Variants in DKK4 observed in about 807,000 individuals in gnomAD.
DKK4 encodes dickkopf-related protein 4.
Under a neutral mutation model 14.5 loss-of-function variants are expected in DKK4, and 15 were observed. That is an observed-to-expected ratio of 1.03 (90% CI 0.69 to 1.59). The LOEUF is 1.59. Among genes scored for constraint, DKK4 ranks in the 40% most tolerant of loss-of-function variants. The pLI is 0.00. For missense variants in DKK4, 272 were observed against 280.3 expected, an observed-to-expected ratio of 0.97 and a Z score of 0.21; for synonymous variants, 89 against 105.2, an observed-to-expected ratio of 0.85 and a Z score of 0.94.
the DKK4 span, among the ~76,000 whole-genome samples, chr8:42,387,958 T>C: frequency 2.0e-5 from 3 of 152,208 alleles, no homozygotes; most frequent in African/African-American, 7.2e-5. Flanking sequence ...TGTATGATCA[T>C]AGCTCATTGT....
At chr8:42,387,341 AGTC>A in the DKK4 span, among the ~76,000 whole-genome samples, 1 of 116,182 alleles carries the variant, frequency 8.6e-6, no homozygotes, top group South Asian at 2.8e-4. Context: ...GGTGAAGGCC[AGTC>A]TTTTTTTTTT....
At chr8:42,390,687 T>G in the DKK4 span, among the ~76,000 whole-genome samples, 2 of 152,198 alleles carry the variant, frequency 1.3e-5, no homozygotes, top group Non-Finnish European at 2.9e-5. Flanking sequence ...TTTCCTAATC[T>G]TTCATGAAAC....
At chr8:42,386,112 T>G in the DKK4 span, among the ~76,000 whole-genome samples, 1 of 152,216 alleles carries the variant, frequency 6.6e-6, no homozygotes, top group African/African-American at 2.4e-5. Flanking sequence ...GAAGTCTCAC[T>G]GTGTTGCCCG....
chr8:42,388,255 A>C, the DKK4 span, among the ~76,000 whole-genome samples: 1 of 151,836 alleles, frequency 6.6e-6, no homozygotes, highest in Non-Finnish European at 1.5e-5. Context: ...TTTGAGAGGG[A>C]GTTTCACTCT....
chr8:42,377,682 G>T (rs2130874707), upstream of DKK4, among the ~76,000 whole-genome samples: 1 of 152,292 alleles, frequency 6.6e-6, no homozygotes, highest in East Asian at 1.9e-4. Context: ...GCTTCAGATA[G>T]TGAGGACAGA....
chr8:42,378,369 T>A (rs952074454), upstream of DKK4, among the ~76,000 whole-genome samples: 8 of 152,202 alleles, frequency 5.3e-5, no homozygotes, highest in African/African-American at 1.9e-4. Flanking sequence ...ATGGGAACAT[T>A]CTCAATTTTG....
chr8:42,391,072 A>C, the DKK4 span, among the ~76,000 whole-genome samples: 1 of 152,152 alleles, frequency 6.6e-6, no homozygotes, highest in African/African-American at 2.4e-5. Flanking sequence ...TCTACAGAAG[A>C]GCTTTTTCTC....
the DKK4 span, among the ~76,000 whole-genome samples, chr8:42,391,230 T>C: frequency 1.3e-5 from 2 of 151,968 alleles, no homozygotes; most frequent in Non-Finnish European, 2.9e-5. Flanking sequence ...CAGTCTGAAA[T>C]GAAATTCCCA....
rs779015725 is a variant in DKK4 at position 42,375,814 on chromosome 8, G to C, written c.128C>G (p.Ser43Cys). The C allele has an allele frequency of 1.2e-6, 2 of 1,614,062 alleles. No homozygotes were observed. The highest frequency in any genetic ancestry group is 1.7e-6 in the Non-Finnish European group (2 of 1,179,966). Reference protein sequence around the residue: ...HGARKGSQCLSDTDCNTRKFC... With the variant: ...HGARKGSQCLCDTDCNTRKFC... ...CTTTCTGGTATTGCAGTCCGTGTCA[G>C]ACAGGCACTGTGAGCCCTGTGGAGG... Residue 43 changes from serine to cysteine, a missense_variant, in exon 2 of 4, where the codon TCT (serine) becomes TGT (cysteine). Transcript: ENST00000220812.
At chr8:42,375,059 A>G in intron 2 of DKK4, 146 bp from the exon 3 acceptor site, 1 of 793,038 alleles carries the variant, frequency 1.3e-6, no homozygotes, top group Non-Finnish European at 2.0e-6. Context: ...CATGTGCTAA[A>G]TATTTACATG....
At chr8:42,377,634 T>C (rs1372935361), upstream of DKK4, among the ~76,000 whole-genome samples, 3 of 152,032 alleles carry the variant, frequency 2.0e-5, no homozygotes, top group African/African-American at 7.3e-5. Flanking sequence ...TGCCAAAAAC[T>C]AATGAGGTAC....
At chr8:42,380,607 G>C (rs1824656109), upstream of DKK4, among the ~76,000 whole-genome samples, 1 of 145,320 alleles carries the variant, frequency 6.9e-6, no homozygotes, top group African/African-American at 2.6e-5. Context: ...AGAAGGGAAG[G>C]AGAAAGAAAA....
chr8:42,386,709 G>A, the DKK4 span, among the ~76,000 whole-genome samples: 1 of 152,100 alleles, frequency 6.6e-6, no homozygotes, highest in African/African-American at 2.4e-5. Context: ...GGCTGATCTT[G>A]AACTCTTGGC....
At chr8:42,388,213 T>G in the DKK4 span, among the ~76,000 whole-genome samples, 2 of 152,256 alleles carry the variant, frequency 1.3e-5, no homozygotes, top group African/African-American at 4.8e-5. Context: ...GCTTTTAAAC[T>G]CCTTTCTTTT....
chr8:42,387,344 CTTTTTTTTTTTTTTT>C, the DKK4 span, among the ~76,000 whole-genome samples: 5 of 44,890 alleles, frequency 1.1e-4, no homozygotes, highest in South Asian at 5.7e-4. Context: ...GAAGGCCAGT[CTTTTTTTTTTTTTTT>C]TTTTTTTTTT....
Position 42,377,097 on chromosome 8 carries a change from G to A in DKK4, c.-52C>T, listed in dbSNP as rs778227872. The A allele has an allele frequency of 1.3e-5, 20 of 1,491,560 alleles. No homozygotes were observed. The highest frequency in any genetic ancestry group is 2.3e-5 in the East Asian group (1 of 43,340). The allele number at this position is 1,491,560 out of a possible 1,614,324, so 92.4% of individuals were successfully genotyped here. On this transcript the variant is annotated 5_prime_UTR_variant, in exon 1 of 4. Coordinates refer to ENST00000220812, the MANE Select transcript of DKK4 (RefSeq NM_014420.3). ...TCCCAGCACTGTGCGTCACCAAAGC[G>A]AGGCTGCTCTCCACCCAGAGCAGAG...
At chr8:42,377,907 T>C (rs1220527125), upstream of DKK4, among the ~76,000 whole-genome samples, 1 of 152,256 alleles carries the variant, frequency 6.6e-6, no homozygotes, top group Non-Finnish European at 1.5e-5. Flanking sequence ...GGAACAATGA[T>C]AGCGCATTTT....
the DKK4 span, among the ~76,000 whole-genome samples, chr8:42,385,582 GC>G: frequency 1.3e-5 from 2 of 151,818 alleles, no homozygotes; most frequent in African/African-American, 4.8e-5. Context: ...TACCGCCACT[GC>G]CCCCACAGGT....
At chr8:42,388,632 A>G in the DKK4 span, among the ~76,000 whole-genome samples, 32 of 151,794 alleles carry the variant, frequency 2.1e-4, no homozygotes, top group Admixed American at 6.6e-4. Context: ...GTGCAGTGGC[A>G]TGATCTTGGC....
Sources: gnomAD v4.1 joint callset for allele counts (sites outside exome capture counted in the v4.1 genomes callset) on GRCh38, gnomAD v4.1.1 for gene constraint, MANE v1.5 for transcripts, NCBI Gene and HGNC (gene_info 2026-07-23, HGNC 2026-07-21) for gene names.